The following CHSY3 variants were observed in gnomAD, a reference collection of about 807,000 sequenced individuals.
CHSY3 encodes chondroitin sulfate synthase 3, also known as N-acetylgalactosaminyl-proteoglycan 3-beta-glucuronosyltransferase 3.
In CHSY3, 35 loss-of-function variants were observed where a neutral mutation model predicts 67.2. The ratio of observed to expected loss-of-function variants is 0.52; its 90% CI spans 0.40 to 0.69. The LOEUF (loss-of-function observed/expected upper bound fraction) is 0.69. CHSY3 is among the 30% of genes least tolerant of loss of function. The pLI is 0.00. For missense variants in CHSY3, 1,069 were observed against 1,138.5 expected (o/e 0.94, Z 0.88); for synonymous variants, 474 against 434.7 (o/e 1.09, Z -1.12).
chr5:129,993,806 C>T (rs1164301772), intron 2 of CHSY3, among the ~76,000 whole-genome samples: 8 of 151,412 alleles, frequency 5.3e-5, no homozygotes, highest in Admixed American at 1.4e-4. Flanking sequence ...TTCCTAGCCT[C>T]GATGGTCTTT....
intron 2 of CHSY3, among the ~76,000 whole-genome samples, chr5:130,028,658 A>T (rs1431467933): frequency 6.6e-6 from 1 of 152,068 alleles, no homozygotes; most frequent in Non-Finnish European, 1.5e-5. Flanking sequence ...GGGTGGTCCT[A>T]GTCCTGGGCT....
At chr5:130,167,715 A>G (rs1403459644) in intron 2 of CHSY3, among the ~76,000 whole-genome samples, 1 of 152,174 alleles carries the variant, frequency 6.6e-6, no homozygotes. Flanking sequence ...TACTCATTAG[A>G]AAACTAATAA....
chr5:130,045,855 G>A (rs1329499233), intron 2 of CHSY3, among the ~76,000 whole-genome samples: 1 of 152,092 alleles, frequency 6.6e-6, no homozygotes, highest in African/African-American at 2.4e-5. Context: ...TTGCCAAGAT[G>A]TGCTTCAAAC....
At chr5:130,099,320 C>T (rs1476032711) in intron 2 of CHSY3, among the ~76,000 whole-genome samples, 1 of 152,172 alleles carries the variant, frequency 6.6e-6, no homozygotes, top group East Asian at 1.9e-4. Context: ...TTCCATTCTC[C>T]AAACCTCCTT....
chr5:129,998,719 A>T (rs927313043), intron 2 of CHSY3, among the ~76,000 whole-genome samples: 51 of 151,924 alleles, frequency 3.4e-4, no homozygotes, highest in African/African-American at 1.2e-3. Flanking sequence ...AAGGCTTAAG[A>T]TCTTTCAAAT....
At chr5:129,994,864 A>T in intron 2 of CHSY3, among the ~76,000 whole-genome samples, 2 of 96,838 alleles carry the variant, frequency 2.1e-5, no homozygotes, top group African/African-American at 4.1e-5. Context: ...ACTTGGACAC[A>T]GGGTGGGGAA....
intron 2 of CHSY3, among the ~76,000 whole-genome samples, chr5:129,955,755 C>G (rs1160367506): frequency 6.6e-6 from 1 of 152,102 alleles, no homozygotes; most frequent in Non-Finnish European, 1.5e-5. Flanking sequence ...GAGCTTTCAT[C>G]ATTTAGCTTC....
intron 2 of CHSY3, among the ~76,000 whole-genome samples, chr5:129,910,215 A>G (rs1274267203): frequency 1.3e-5 from 2 of 152,044 alleles, no homozygotes; most frequent in Non-Finnish European, 2.9e-5. Context: ...CAAACAAAAG[A>G]GATTCCAAGT....
intron 2 of CHSY3, among the ~76,000 whole-genome samples, chr5:129,910,324 G>A (rs183596405): frequency 4.6e-5 from 7 of 151,886 alleles, no homozygotes; most frequent in African/African-American, 7.2e-5. Context: ...TTATGAATCC[G>A]TATAAAACTA....
intron 2 of CHSY3, chr5:130,001,856 C>G (rs1763736379): frequency 1.1e-6 from 1 of 906,788 alleles, no homozygotes; most frequent in South Asian, 5.1e-5. Context: ...ATTTAACCCA[C>G]TAATATAATC....
intron 2 of CHSY3, among the ~76,000 whole-genome samples, chr5:130,171,720 C>A (rs1029386663): frequency 6.6e-6 from 1 of 152,136 alleles, no homozygotes; most frequent in African/African-American, 2.4e-5. Flanking sequence ...AAAAATGTGT[C>A]AGTTTTAATG....
At chr5:130,086,164 T>G (rs1167416640) in intron 2 of CHSY3, among the ~76,000 whole-genome samples, 6 of 152,078 alleles carry the variant, frequency 3.9e-5, no homozygotes, top group Non-Finnish European at 7.4e-5. Flanking sequence ...CTGAGTATCC[T>G]TGTTAACTTT....
chr5:130,154,069 A>T (rs940995007), intron 2 of CHSY3, among the ~76,000 whole-genome samples: 4 of 152,076 alleles, frequency 2.6e-5, no homozygotes, highest in Admixed American at 1.3e-4. Context: ...GGTGCACGCC[A>T]CCACACCCAG....
intron 2 of CHSY3, among the ~76,000 whole-genome samples, chr5:130,013,654 G>A (rs1764130666): frequency 6.6e-6 from 1 of 152,184 alleles, no homozygotes; most frequent in Non-Finnish European, 1.5e-5. Context: ...GGGATGCAGG[G>A]CACCATGTCC....
intron 2 of CHSY3, among the ~76,000 whole-genome samples, chr5:130,090,914 A>G (rs1191285083): frequency 6.6e-6 from 1 of 152,190 alleles, no homozygotes; most frequent in African/African-American, 2.4e-5. Context: ...AAGTGAAAGA[A>G]TATGCTATTT....
intron 2 of CHSY3, among the ~76,000 whole-genome samples, chr5:129,943,337 G>A (rs930433998): frequency 2.0e-5 from 3 of 152,104 alleles, no homozygotes; most frequent in African/African-American, 4.8e-5. Context: ...AAATCATGCC[G>A]AACTCCAAAG....
At chr5:130,000,880 G>T (rs1384863967) in intron 2 of CHSY3, among the ~76,000 whole-genome samples, 2 of 140,426 alleles carry the variant, frequency 1.4e-5, no homozygotes, top group Non-Finnish European at 3.1e-5. Flanking sequence ...CAGCCAGCCT[G>T]TCTTCTTTTT....
chr5:130,057,075 C>G (rs1419802376), intron 2 of CHSY3, among the ~76,000 whole-genome samples: 3 of 151,594 alleles, frequency 2.0e-5, no homozygotes, highest in Non-Finnish European at 2.9e-5. Flanking sequence ...AGGCGCCCAC[C>G]ACCACTCCCA....
intron 2 of CHSY3, among the ~76,000 whole-genome samples, chr5:130,143,526 T>G (rs1365405653): frequency 6.6e-6 from 1 of 151,698 alleles, no homozygotes; most frequent in Non-Finnish European, 1.5e-5. Context: ...GATGGTTTGC[T>G]CATTCTCATG....
Sources: gnomAD v4.1 joint callset for allele counts (sites outside exome capture counted in the v4.1 genomes callset) on GRCh38, gnomAD v4.1.1 for gene constraint, MANE v1.5 for transcripts, NCBI Gene and HGNC (gene_info 2026-07-23, HGNC 2026-07-21) for gene names.